The following RPS6KC1 variants were observed in gnomAD, a reference collection of about 807,000 sequenced individuals.
The protein encoded by RPS6KC1 is ribosomal protein S6 kinase C1.
A neutral mutation model predicts 103.8 loss-of-function variants in RPS6KC1; 54 were observed. That is an observed-to-expected ratio of 0.52 (90% confidence interval 0.42 to 0.65). The LOEUF is 0.65. Among genes scored for constraint, RPS6KC1 ranks in the 30% least tolerant of loss-of-function variants. RPS6KC1 has a pLI of 0.00. For missense variants in RPS6KC1, 1,151 were observed against 1,253.8 expected (o/e 0.92, Z 1.24); for synonymous variants, 439 against 438.7 (o/e 1.00, Z -0.01).
At chr1:213,319,980 C>T in the RPS6KC1 span, among the ~76,000 whole-genome samples, 1 of 152,156 alleles carries the variant, frequency 6.6e-6, no homozygotes, top group African/African-American at 2.4e-5. Flanking sequence ...ATTAAATAGA[C>T]AGAAATATAG....
the RPS6KC1 span, among the ~76,000 whole-genome samples, chr1:213,512,762 A>G: frequency 6.6e-6 from 1 of 152,172 alleles, no homozygotes; most frequent in African/African-American, 2.4e-5. Flanking sequence ...CTTGTAAACT[A>G]CAGAGACTCA....
At chr1:213,805,661 A>G in the RPS6KC1 span, among the ~76,000 whole-genome samples, 1 of 152,206 alleles carries the variant, frequency 6.6e-6, no homozygotes, top group South Asian at 2.1e-4. Context: ...TGAGGGATGT[A>G]ATCAGCTTCT....
At chr1:213,496,579 G>A in the RPS6KC1 span, among the ~76,000 whole-genome samples, 152 of 152,212 alleles carry the variant, frequency 1.0e-3, 1 homozygote, top group East Asian at 0.027. Flanking sequence ...CCAACATGGT[G>A]AAACCCCGTC....
At chr1:213,396,939 G>A in the RPS6KC1 span, among the ~76,000 whole-genome samples, 1 of 152,206 alleles carries the variant, frequency 6.6e-6, no homozygotes, top group Admixed American at 6.5e-5. Context: ...AGGGTGTTGG[G>A]TGAGCTCATG....
intron 1 of RPS6KC1, among the ~76,000 whole-genome samples, chr1:213,068,681 A>C (rs2078575056): frequency 2.0e-5 from 3 of 151,786 alleles, no homozygotes; most frequent in Admixed American, 1.3e-4. Flanking sequence ...TGTGTTGTCT[A>C]ATTTGGTAGC....
chr1:213,567,032 T>A, the RPS6KC1 span, among the ~76,000 whole-genome samples: 261 of 152,312 alleles, frequency 1.7e-3, no homozygotes, highest in Non-Finnish European at 2.9e-3. Flanking sequence ...TTGAGAAACA[T>A]TATTTCCCTT....
At chr1:213,220,228 C>G (rs191791936) in intron 8 of RPS6KC1, among the ~76,000 whole-genome samples, 31 of 151,672 alleles carry the variant, frequency 2.0e-4, no homozygotes, top group Admixed American at 8.5e-4. Flanking sequence ...TTAATAATGC[C>G]CTATCTTTAA....
At chr1:213,653,809 T>C in the RPS6KC1 span, among the ~76,000 whole-genome samples, 1 of 152,178 alleles carries the variant, frequency 6.6e-6, no homozygotes, top group African/African-American at 2.4e-5. Context: ...TAGGTTGGTA[T>C]TAAACTCTAA....
chr1:213,681,887 C>G, the RPS6KC1 span, among the ~76,000 whole-genome samples: 1 of 152,106 alleles, frequency 6.6e-6, no homozygotes, highest in Non-Finnish European at 1.5e-5. Context: ...CTGTTTCCAC[C>G]AAATTCAACA....
chr1:213,703,604 T>C, the RPS6KC1 span, among the ~76,000 whole-genome samples: 1 of 152,142 alleles, frequency 6.6e-6, no homozygotes, highest in East Asian at 1.9e-4. Context: ...GTTTGAAGGA[T>C]ATTTTACCCT....
intron 4 of RPS6KC1, among the ~76,000 whole-genome samples, chr1:213,114,462 A>G (rs1295216078): frequency 6.6e-6 from 1 of 151,014 alleles, no homozygotes; most frequent in Non-Finnish European, 1.5e-5. Flanking sequence ...TTGGGCTGAG[A>G]CAGTGGGGTT....
intron 8 of RPS6KC1, among the ~76,000 whole-genome samples, chr1:213,199,345 A>T (rs2093066914): frequency 6.6e-6 from 1 of 152,208 alleles, no homozygotes; most frequent in South Asian, 2.1e-4. Flanking sequence ...AACATATGCA[A>T]ATGAATAAAC....
At chr1:213,164,437 A>G (rs961110542) in intron 6 of RPS6KC1, among the ~76,000 whole-genome samples, 2 of 152,242 alleles carry the variant, frequency 1.3e-5, no homozygotes, top group African/African-American at 4.8e-5. Flanking sequence ...ACCCTGTATG[A>G]TCAGAAATTG....
chr1:213,222,173 G>T (rs2093850554), intron 8 of RPS6KC1, among the ~76,000 whole-genome samples: 1 of 151,868 alleles, frequency 6.6e-6, no homozygotes, highest in African/African-American at 2.4e-5. Flanking sequence ...TAACCTTTTT[G>T]GATTATTTGT....
the RPS6KC1 span, chr1:213,821,553 T>C: frequency 6.6e-6 from 1 of 152,254 alleles, no homozygotes; most frequent in Non-Finnish European, 1.5e-5. Flanking sequence ...ACTGGCTTCA[T>C]GTTTTGGTCC....
At chr1:213,055,851 T>C (rs1290707048) in intron 1 of RPS6KC1, among the ~76,000 whole-genome samples, 2 of 152,244 alleles carry the variant, frequency 1.3e-5, no homozygotes, top group Non-Finnish European at 2.9e-5. Context: ...AGCTCTTCAG[T>C]ATGAGCAGTG....
At chr1:213,608,373 G>T in the RPS6KC1 span, among the ~76,000 whole-genome samples, 4 of 152,156 alleles carry the variant, frequency 2.6e-5, no homozygotes. Flanking sequence ...TCTCCTGGTG[G>T]CCCCCTAAAG....
chr1:213,503,049 CT>C, the RPS6KC1 span, among the ~76,000 whole-genome samples: 3 of 151,886 alleles, frequency 2.0e-5, no homozygotes, highest in Non-Finnish European at 2.9e-5. Flanking sequence ...CTATTTTCCT[CT>C]TTCTAAAAAG....
chr1:213,655,733 C>T, the RPS6KC1 span, among the ~76,000 whole-genome samples: 1 of 152,050 alleles, frequency 6.6e-6, no homozygotes, highest in African/African-American at 2.4e-5. Context: ...ATTCTTTACA[C>T]TCAAAATAAA....
Sources: gnomAD v4.1 joint callset for allele counts (sites outside exome capture counted in the v4.1 genomes callset) on GRCh38, gnomAD v4.1.1 for gene constraint, MANE v1.5 for transcripts, NCBI Gene and HGNC (gene_info 2026-07-23, HGNC 2026-07-21) for gene names.